Variants in FBXL7 observed in about 807,000 individuals in gnomAD.
The protein encoded by FBXL7 is F-box/LRR-repeat protein 7.
FBXL7 carries 12 observed loss-of-function variants against 38.3 expected under a neutral mutation model. The observed-to-expected ratio is 0.31, with a 90% CI of 0.20 to 0.51. The LOEUF (loss-of-function observed/expected upper bound fraction) is 0.51. Among genes scored for constraint, FBXL7 ranks in the 20% least tolerant of loss-of-function variants. The pLI is 0.98. For synonymous variants in FBXL7, 297 were observed against 300.9 expected, an observed-to-expected ratio of 0.99 and a Z score of 0.13; for missense variants, 567 against 676.4, an observed-to-expected ratio of 0.84 and a Z score of 1.79.
intron 2 of FBXL7, among the ~76,000 whole-genome samples, chr5:15,726,596 T>A (rs6884087): frequency 6.6e-6 from 1 of 151,538 alleles, no homozygotes; most frequent in Non-Finnish European, 1.5e-5. Context: ...GAGGCTAAGG[T>A]GGAAGAATCA....
At chr5:15,614,571 G>A (rs1182589659) in intron 1 of FBXL7, among the ~76,000 whole-genome samples, 1 of 152,180 alleles carries the variant, frequency 6.6e-6, no homozygotes, top group Non-Finnish European at 1.5e-5. Flanking sequence ...CGCCCATCCA[G>A]CAGTAGTTTT....
At chr5:15,501,467 C>T (rs1405727410) in intron 1 of FBXL7, 2 of 985,454 alleles carry the variant, frequency 2.0e-6, no homozygotes, top group East Asian at 1.1e-4. Context: ...TCCCAATTAG[C>T]AGCTAGCCCC....
At chr5:15,521,035 C>T (rs1050825130) in intron 1 of FBXL7, among the ~76,000 whole-genome samples, 5 of 152,266 alleles carry the variant, frequency 3.3e-5, no homozygotes, top group South Asian at 2.1e-4. Context: ...CAACAGAGAG[C>T]GTAGTTGCTA....
intron 2 of FBXL7, among the ~76,000 whole-genome samples, chr5:15,620,611 GT>G (rs1409206115): frequency 6.6e-6 from 1 of 152,034 alleles, no homozygotes; most frequent in African/African-American, 2.4e-5. Context: ...CAGCAGACCC[GT>G]TCCGAGGGGA....
At chr5:15,567,377 T>A (rs900990206) in intron 1 of FBXL7, among the ~76,000 whole-genome samples, 1 of 152,168 alleles carries the variant, frequency 6.6e-6, no homozygotes, top group Non-Finnish European at 1.5e-5. Flanking sequence ...ATTTGTTTTT[T>A]CTTCCAAGCT....
intron 1 of FBXL7, among the ~76,000 whole-genome samples, chr5:15,536,168 C>T (rs902015805): frequency 3.3e-5 from 5 of 152,218 alleles, no homozygotes; most frequent in African/African-American, 7.2e-5. Flanking sequence ...TGTATGCAAA[C>T]GTCTGGATGT....
At chr5:15,702,524 A>G (rs1391683288) in intron 2 of FBXL7, among the ~76,000 whole-genome samples, 1 of 152,060 alleles carries the variant, frequency 6.6e-6, no homozygotes, top group Admixed American at 6.5e-5. Flanking sequence ...TTCTTTCTGC[A>G]TGTGCTTTTT....
intron 2 of FBXL7, among the ~76,000 whole-genome samples, chr5:15,917,644 G>GGAAAGGAAGGAAGGAAGGAA (rs1554034053): frequency 2.9e-4 from 26 of 91,012 alleles, no homozygotes; most frequent in African/African-American, 1.1e-3. Context: ...AAGGAAGGGA[G>GGAAAGGAAGGAAGGAAGGAA]GGAAGGAAGG....
intron 2 of FBXL7, among the ~76,000 whole-genome samples, chr5:15,723,373 A>C (rs1744253982): frequency 6.6e-6 from 1 of 152,224 alleles, no homozygotes; most frequent in African/African-American, 2.4e-5. Context: ...ATGGCTATAG[A>C]CGTGACACAC....
At chr5:15,597,674 C>G (rs908179851) in intron 1 of FBXL7, among the ~76,000 whole-genome samples, 2 of 152,124 alleles carry the variant, frequency 1.3e-5, no homozygotes, top group Non-Finnish European at 2.9e-5. Context: ...CCTGTTCTTC[C>G]TTTAGACTAG....
chr5:15,916,852 C>T (rs1741596924), intron 2 of FBXL7, among the ~76,000 whole-genome samples: 1 of 152,096 alleles, frequency 6.6e-6, no homozygotes, highest in South Asian at 2.1e-4. Flanking sequence ...GGGAGTATTC[C>T]AGGGAATCCA....
intron 2 of FBXL7, among the ~76,000 whole-genome samples, chr5:15,861,830 C>G (rs1739486468): frequency 1.3e-5 from 2 of 152,150 alleles, no homozygotes; most frequent in South Asian, 4.1e-4. Flanking sequence ...ACATGCTCAC[C>G]CTGTTATATC....
Position 15,632,524 on chromosome 5 carries a change from GTA to G in FBXL7, c.127+16458_127+16459del, listed in dbSNP as rs1301785853. On this transcript the variant is annotated intron_variant, in intron 2 of 3. Transcript: ENST00000504595. ...TTCGACTCAGCAATCCCATTACTGA[GTA>G]TATATCCAAAAGGAAACAAATTGTT... Among the ~76,000 whole-genome samples the G allele has an allele frequency of 2.0e-5, 3 of 152,204 alleles. No individual in the cohort carries two copies. In the East Asian group the frequency reaches 5.8e-4, roughly 29 times the overall value.
At chr5:15,777,095 T>C (rs574591062) in intron 2 of FBXL7, among the ~76,000 whole-genome samples, 42 of 152,254 alleles carry the variant, frequency 2.8e-4, no homozygotes, top group Non-Finnish European at 5.3e-4. Flanking sequence ...CATTATTCCA[T>C]GCATCTTATT....
chr5:15,549,942 G>A (rs1202024121), intron 1 of FBXL7, among the ~76,000 whole-genome samples: 3 of 152,304 alleles, frequency 2.0e-5, no homozygotes, highest in East Asian at 1.9e-4. Context: ...GCTTAGAAAC[G>A]TAGGCCTGCA....
chr5:15,838,408 C>T (rs1324484168), intron 2 of FBXL7, among the ~76,000 whole-genome samples: 1 of 152,030 alleles, frequency 6.6e-6, no homozygotes, highest in East Asian at 1.9e-4. Context: ...ACTAATCCCA[C>T]TCATGAGTGC....
intron 2 of FBXL7, among the ~76,000 whole-genome samples, chr5:15,758,809 T>C (rs929839429): frequency 1.3e-5 from 2 of 152,176 alleles, no homozygotes; most frequent in African/African-American, 2.4e-5. Context: ...CTCGAATTGC[T>C]TCTCTATTAA....
chr5:15,709,528 TG>T (rs1320077258), intron 2 of FBXL7, among the ~76,000 whole-genome samples: 2 of 149,090 alleles, frequency 1.3e-5, no homozygotes, highest in African/African-American at 5.0e-5. Flanking sequence ...AGCAAGACTC[TG>T]TCTCAAAAAA....
At chr5:15,539,845 A>G (rs1737688811) in intron 1 of FBXL7, among the ~76,000 whole-genome samples, 1 of 151,944 alleles carries the variant, frequency 6.6e-6, no homozygotes, top group Non-Finnish European at 1.5e-5. Context: ...CTTATAAACA[A>G]TTGTTTATAA....
Sources: gnomAD v4.1 joint callset for allele counts (sites outside exome capture counted in the v4.1 genomes callset) on GRCh38, gnomAD v4.1.1 for gene constraint, MANE v1.5 for transcripts, NCBI Gene and HGNC (gene_info 2026-07-23, HGNC 2026-07-21) for gene names.